ARMC2: variants seen among roughly 807,000 people sequenced by gnomAD.
ARMC2 encodes the protein armadillo repeat containing 2.
Under a neutral mutation model 90.3 loss-of-function variants are expected in ARMC2, and 67 were observed. That is an observed-to-expected ratio of 0.74 (90% CI 0.61 to 0.91). The LOEUF (loss-of-function observed/expected upper bound fraction) is 0.91, where lower values mean the gene tolerates loss of function less well. ARMC2 is among the 40% of genes least tolerant of loss of function. The probability of loss-of-function intolerance (pLI) is 0.00; values close to 1 mark genes in which losing one functional copy is unlikely to be tolerated. For missense variants in ARMC2, 920 were observed against 1,030.9 expected (o/e 0.89, Z 1.47); for synonymous variants, 393 against 393.0 (o/e 1.00, Z 0.00).
intron 11 of ARMC2, among the ~76,000 whole-genome samples, chr6:108,932,127 C>T (rs1437543244): frequency 6.6e-6 from 1 of 151,868 alleles, no homozygotes; most frequent in Non-Finnish European, 1.5e-5. Flanking sequence ...CCTTATATGT[C>T]CTGGATATTA....
chr6:108,873,676 A>G (rs1776657183), intron 4 of ARMC2, among the ~76,000 whole-genome samples: 1 of 152,262 alleles, frequency 6.6e-6, no homozygotes, highest in South Asian at 2.1e-4. Context: ...CTGTACTGGC[A>G]ATACACACTT....
At chr6:109,018,862 C>T in the ARMC2 span, among the ~76,000 whole-genome samples, 1 of 151,456 alleles carries the variant, frequency 6.6e-6, no homozygotes, top group African/African-American at 2.4e-5. Context: ...ATGTAGAGCA[C>T]GATAAAAAAT....
intron 7 of ARMC2, among the ~76,000 whole-genome samples, chr6:108,903,011 T>C (rs556858972): frequency 2.6e-5 from 4 of 151,964 alleles, no homozygotes; most frequent in African/African-American, 9.6e-5. Context: ...CTACCAAAAA[T>C]AAAAAAATTA....
At chr6:108,980,890 A>AAAAAC in the ARMC2 span, among the ~76,000 whole-genome samples, 2 of 152,194 alleles carry the variant, frequency 1.3e-5, no homozygotes, top group Non-Finnish European at 2.9e-5. Flanking sequence ...ACTGTCTCAA[A>AAAAAC]AAAACAAAAC....
Position 108,889,995 on chromosome 6 carries a change from C to T in ARMC2, c.672-4472C>T, listed in dbSNP as rs866266615. Among the ~76,000 whole-genome samples, 238 of 149,120 alleles carry T rather than the reference C, an allele frequency of 1.6e-3. 1 individual carries two copies. Among genetic ancestry groups the T allele is most frequent in the Admixed American group, 4.8e-3 (72 of 15,018 alleles). ...CGAGGTCAGGAGATCGAGACCATCC[C>T]GGCTAAAACGGTGAAACCCCGTCTC... On this transcript the variant is annotated intron_variant, in intron 5 of 17. Coordinates refer to ENST00000392644, the MANE Select transcript of ARMC2 (RefSeq NM_032131.6).
intron 1 of ARMC2, chr6:108,848,954 G>A (rs570952664): frequency 6.6e-6 from 1 of 152,338 alleles, no homozygotes; most frequent in East Asian, 1.9e-4. Flanking sequence ...TTTTATTTAT[G>A]TACTGTCGCA....
chr6:108,896,366 A>G (rs1771614640), intron 6 of ARMC2, among the ~76,000 whole-genome samples: 1 of 152,250 alleles, frequency 6.6e-6, no homozygotes, highest in Non-Finnish European at 1.5e-5. Flanking sequence ...TTTCTAAAAT[A>G]TTAGATTGTT....
the ARMC2 span, among the ~76,000 whole-genome samples, chr6:109,028,588 G>T: frequency 2.6e-5 from 4 of 151,642 alleles, no homozygotes; most frequent in Non-Finnish European, 4.4e-5. Flanking sequence ...AATACTAGGG[G>T]GTAAGACAGG....
intron 2 of ARMC2, among the ~76,000 whole-genome samples, chr6:108,855,917 G>A (rs1774543364): frequency 6.6e-6 from 1 of 151,710 alleles, no homozygotes; most frequent in Non-Finnish European, 1.5e-5. Context: ...TTGTGTTGTT[G>A]AATTTTAAGA....
chr6:108,986,792 G>A, the ARMC2 span: 1 of 152,190 alleles, frequency 6.6e-6, no homozygotes, highest in Admixed American at 6.5e-5. Flanking sequence ...TCAGGATCCT[G>A]TGAAACAGCA....
At chr6:109,000,325 T>G in the ARMC2 span, 3 of 477,886 alleles carry the variant, frequency 6.3e-6, no homozygotes, top group African/African-American at 5.9e-5. Context: ...TTACAGCAAA[T>G]GTACCACAGA....
chr6:108,856,941 A>G (rs1233656834), intron 2 of ARMC2, among the ~76,000 whole-genome samples: 5 of 152,156 alleles, frequency 3.3e-5, no homozygotes, highest in Admixed American at 3.3e-4. Flanking sequence ...CTTTTCTTTC[A>G]CCAGTACTAT....
the ARMC2 span, chr6:108,998,360 G>T: frequency 2.5e-6 from 2 of 784,340 alleles, no homozygotes; most frequent in Non-Finnish European, 4.0e-6. Context: ...ATGTGAGGCA[G>T]TCAATAAAAC....
At chr6:109,009,164 A>G in the ARMC2 span, among the ~76,000 whole-genome samples, 15,239 of 152,022 alleles carry the variant, frequency 0.1, 930 homozygotes, top group Middle Eastern at 0.19. Context: ...ACCGCAGGCA[A>G]CCCCTTCCCC....
chr6:109,046,638 G>A, the ARMC2 span, among the ~76,000 whole-genome samples: 1 of 139,876 alleles, frequency 7.1e-6, no homozygotes, highest in African/African-American at 2.6e-5. Context: ...AGGAAGTGAG[G>A]AGCGCCTCTT....
intron 5 of ARMC2, among the ~76,000 whole-genome samples, chr6:108,883,658 G>A (rs1435960130): frequency 1.3e-5 from 2 of 152,138 alleles, no homozygotes; most frequent in South Asian, 4.1e-4. Flanking sequence ...ACTTTAGAGA[G>A]ATCTTTTAGA....
At chr6:108,992,345 C>T in the ARMC2 span, among the ~76,000 whole-genome samples, 2 of 152,014 alleles carry the variant, frequency 1.3e-5, no homozygotes, top group Non-Finnish European at 2.9e-5. Context: ...TGGAATGCCT[C>T]GGCTCAGGCA....
intron 8 of ARMC2, among the ~76,000 whole-genome samples, chr6:108,906,967 A>G (rs985245764): frequency 1.3e-5 from 2 of 152,166 alleles, no homozygotes. Context: ...TTAAAATAAG[A>G]TCGTCTACAT....
chr6:108,907,595 A>G (rs1772909782), intron 8 of ARMC2: 2 of 1,547,456 alleles, frequency 1.3e-6, no homozygotes, highest in South Asian at 1.1e-5. Context: ...GGGGGGGTGC[A>G]GAGCGTGTCC....
Sources: allele counts gnomAD v4.1 joint callset (sites outside exome capture counted in the v4.1 genomes callset), GRCh38; gene constraint gnomAD v4.1.1; transcripts MANE v1.5; gene names NCBI Gene and HGNC (gene_info 2026-07-23, HGNC 2026-07-21).